The following PVT1 variants were observed in gnomAD, a reference collection of about 807,000 sequenced individuals.
PVT1 encodes CXCR4/PVT1 fusion.
At chr8:127,848,684 A>G (rs1023809007) in intron 2 of PVT1, among the ~76,000 whole-genome samples, 2 of 152,212 alleles carry the variant, frequency 1.3e-5, no homozygotes, top group Admixed American at 6.5e-5. Context: ...ACTCCGTCTC[A>G]GATAAAAAAC....
chr8:127,860,784 AGG>A (rs1554592405), intron 2 of PVT1, among the ~76,000 whole-genome samples: 1 of 143,390 alleles, frequency 7.0e-6, no homozygotes, highest in Non-Finnish European at 1.5e-5. Context: ...AAAAAAAAAA[AGG>A]AGAAGACAAG....
chr8:127,965,309 C>G (rs1232632590), intron 3 of PVT1, among the ~76,000 whole-genome samples: 1 of 152,116 alleles, frequency 6.6e-6, no homozygotes, highest in African/African-American at 2.4e-5. Context: ...AAAATGTTGC[C>G]CCCTAAGTGG....
intron 4 of PVT1, among the ~76,000 whole-genome samples, chr8:128,067,719 G>A (rs1403732154): frequency 6.6e-6 from 1 of 152,080 alleles, no homozygotes; most frequent in Non-Finnish European, 1.5e-5. Context: ...TGGAGTTAGG[G>A]GTGAGCTGGA....
At chr8:127,838,514 G>A (rs969129630) in intron 2 of PVT1, among the ~76,000 whole-genome samples, 7 of 152,086 alleles carry the variant, frequency 4.6e-5, no homozygotes, top group African/African-American at 1.7e-4. Context: ...AGACCAGCCT[G>A]GCCAACATGG....
chr8:127,871,592 C>T (rs1001640255), intron 2 of PVT1, among the ~76,000 whole-genome samples: 10 of 151,984 alleles, frequency 6.6e-5, no homozygotes, highest in East Asian at 1.9e-4. Context: ...TAGGGCATGA[C>T]GTCAACTGTG....
intron 3 of PVT1, among the ~76,000 whole-genome samples, chr8:127,954,218 C>T (rs1816541816): frequency 6.6e-6 from 1 of 151,418 alleles, no homozygotes; most frequent in South Asian, 2.1e-4. Context: ...TATGTCTTAA[C>T]TAGAACAGAT....
chr8:127,847,738 T>C (rs1026107798), intron 2 of PVT1, among the ~76,000 whole-genome samples: 1 of 152,060 alleles, frequency 6.6e-6, no homozygotes, highest in African/African-American at 2.4e-5. Context: ...CATGCCATCT[T>C]TTCTGTAAAA....
chr8:127,932,776 A>G (rs1243090686), intron 3 of PVT1: 1 of 318,208 alleles, frequency 3.1e-6, no homozygotes, highest in African/African-American at 2.1e-5. Context: ...GTAGATATAC[A>G]CATCTCTGAC....
At chr8:127,887,933 T>G (rs1771006185) in intron 2 of PVT1, among the ~76,000 whole-genome samples, 1 of 114,162 alleles carries the variant, frequency 8.8e-6, no homozygotes, top group African/African-American at 3.6e-5. Context: ...TCTATCTTGT[T>G]TTTTTTTTTT....
intron 4 of PVT1, among the ~76,000 whole-genome samples, chr8:128,069,324 G>A (rs1331231187): frequency 6.6e-6 from 1 of 151,824 alleles, no homozygotes; most frequent in African/African-American, 2.4e-5. Flanking sequence ...TTAAACTTCA[G>A]TCATTACCAT....
chr8:127,955,458 T>A (rs1315427850), intron 3 of PVT1, among the ~76,000 whole-genome samples: 1 of 152,194 alleles, frequency 6.6e-6, no homozygotes, highest in African/African-American at 2.4e-5. Context: ...GGGAAATATA[T>A]TAATTTTCAT....
At chr8:127,799,017 A>G (rs549699289) in intron 2 of PVT1, among the ~76,000 whole-genome samples, 1 of 152,244 alleles carries the variant, frequency 6.6e-6, no homozygotes, top group Non-Finnish European at 1.5e-5. Context: ...GTCATAAAAC[A>G]CAAGACATAT....
rs540184690 is a variant in PVT1 at position 128,086,686 on chromosome 8, G to A, written n.1115-9832G>A. Among the ~76,000 whole-genome samples, 4 of 152,314 alleles carry A rather than the reference G, an allele frequency of 2.6e-5. No individual in the cohort carries two copies. The South Asian group carries it at 6.2e-4, about 24-fold the overall frequency. On this transcript the variant is annotated intron_variant and non_coding_transcript_variant, in intron 5 of 10. Transcript: ENST00000651587. Reference sequence around the variant, plus strand: ...TTACTTTGTTCAGTATGGGTTTTCCGATAAGGATGTTCTTACCTCCTTCTC... The same window carrying A: ...TTACTTTGTTCAGTATGGGTTTTCCAATAAGGATGTTCTTACCTCCTTCTC...
At chr8:127,981,053 C>T (rs944468005) in intron 3 of PVT1, among the ~76,000 whole-genome samples, 2 of 152,176 alleles carry the variant, frequency 1.3e-5, no homozygotes, top group African/African-American at 4.8e-5. Context: ...GCCTTGTCCT[C>T]TCAAAGTGCT....
At chr8:127,871,673 C>T (rs113186956) in intron 2 of PVT1, among the ~76,000 whole-genome samples, 3 of 152,258 alleles carry the variant, frequency 2.0e-5, no homozygotes, top group African/African-American at 7.2e-5. Flanking sequence ...TTCCCACACC[C>T]AGAGAGGAAT....
intron 2 of PVT1, among the ~76,000 whole-genome samples, chr8:127,817,381 A>G (rs1563613111): frequency 7.2e-6 from 1 of 139,408 alleles, no homozygotes; most frequent in Non-Finnish European, 1.5e-5. Flanking sequence ...TTAAATATAT[A>G]TATCTATTTA....
chr8:127,879,773 C>T (rs1815444727), intron 2 of PVT1, among the ~76,000 whole-genome samples: 1 of 152,214 alleles, frequency 6.6e-6, no homozygotes, highest in African/African-American at 2.4e-5. Context: ...ATTACATGCT[C>T]TTCTGGGCTT....
At chr8:127,860,510 A>G (rs1202192827) in intron 2 of PVT1, among the ~76,000 whole-genome samples, 1 of 152,120 alleles carries the variant, frequency 6.6e-6, no homozygotes, top group Non-Finnish European at 1.5e-5. Flanking sequence ...CAGGCCTGTA[A>G]TCCCAGCACT....
At chr8:128,028,491 G>A (rs1219420825) in intron 4 of PVT1, among the ~76,000 whole-genome samples, 1 of 152,244 alleles carries the variant, frequency 6.6e-6, no homozygotes, top group African/African-American at 2.4e-5. Context: ...TAGCCTGGCT[G>A]GGTTCTGAGC....
Sources: gnomAD v4.1 joint callset for allele counts (sites outside exome capture counted in the v4.1 genomes callset) on GRCh38, gnomAD v4.1.1 for gene constraint, MANE v1.5 for transcripts, NCBI Gene and HGNC (gene_info 2026-07-23, HGNC 2026-07-21) for gene names.